Variants in ATL1 observed in about 807,000 individuals in gnomAD.
ATL1 encodes the protein atlastin GTPase 1.
ATL1 carries 31 observed loss-of-function variants against 75.5 expected under a neutral mutation model. The ratio of observed to expected loss-of-function variants is 0.41; its 90% CI spans 0.31 to 0.55. The LOEUF is 0.55. Ranked by LOEUF, ATL1 falls within the 20% of genes least tolerant of loss-of-function variation. The probability of loss-of-function intolerance (pLI) is 0.27; values close to 1 mark genes in which losing one functional copy is unlikely to be tolerated. For missense variants in ATL1, 405 were observed against 662.6 expected (o/e 0.61, Z 4.27); for synonymous variants, 226 against 233.3 (o/e 0.97, Z 0.28).
At chr14:50,535,761 C>T (rs1018361687) in intron 1 of ATL1, among the ~76,000 whole-genome samples, 10 of 152,130 alleles carry the variant, frequency 6.6e-5, no homozygotes, top group Admixed American at 5.2e-4. Flanking sequence ...CAGTCGATAT[C>T]CCTTTCATCC....
chr14:50,545,918 C>T (rs1233731306), intron 1 of ATL1, among the ~76,000 whole-genome samples: 1 of 152,168 alleles, frequency 6.6e-6, no homozygotes, highest in Non-Finnish European at 1.5e-5. Flanking sequence ...AAATGTTTCA[C>T]CTTCAGCTAT....
At chr14:50,618,564 G>A (rs986553431) in intron 8 of ATL1, among the ~76,000 whole-genome samples, 1 of 152,130 alleles carries the variant, frequency 6.6e-6, no homozygotes, top group Non-Finnish European at 1.5e-5. Context: ...TCATGCTTGT[G>A]TGTGTTATAA....
chr14:50,628,961 G>A (rs2039550204), intron 12 of ATL1, among the ~76,000 whole-genome samples: 1 of 152,086 alleles, frequency 6.6e-6, no homozygotes, highest in Non-Finnish European at 1.5e-5. Context: ...CAAGCAATCT[G>A]CGCGCCTCAG....
At chr14:50,537,950 G>A (rs2356448) in intron 1 of ATL1, among the ~76,000 whole-genome samples, 42 of 152,300 alleles carry the variant, frequency 2.8e-4, no homozygotes, top group Non-Finnish European at 7.4e-5. Flanking sequence ...GCTGAAATGA[G>A]TTAACACTTT....
chr14:50,632,199 T>C, intron 13 of ATL1, 30 bp from the exon 14 acceptor site: 1 of 1,519,516 alleles, frequency 6.6e-7, no homozygotes. Flanking sequence ...TTTAATAAAA[T>C]GTTTTATAAT....
chr14:50,581,102 A>G (rs1268978791), intron 1 of ATL1, among the ~76,000 whole-genome samples: 1 of 151,784 alleles, frequency 6.6e-6, no homozygotes, highest in African/African-American at 2.4e-5. Context: ...GTCTTATATT[A>G]TTAAGTTAAT....
At chr14:50,577,048 G>A (rs2039012318) in intron 1 of ATL1, among the ~76,000 whole-genome samples, 1 of 151,968 alleles carries the variant, frequency 6.6e-6, no homozygotes, top group South Asian at 2.1e-4. Context: ...GTAAACTTCT[G>A]TTATAAGTTT....
chr14:50,607,476 A>G (rs571857921), intron 6 of ATL1, among the ~76,000 whole-genome samples: 52 of 152,104 alleles, frequency 3.4e-4, no homozygotes, highest in African/African-American at 1.2e-3. Flanking sequence ...TGTAGAGGTG[A>G]AAACAGTAAG....
chr14:50,579,872 C>G (rs1182017054), intron 1 of ATL1, among the ~76,000 whole-genome samples: 1 of 152,064 alleles, frequency 6.6e-6, no homozygotes, highest in Non-Finnish European at 1.5e-5. Flanking sequence ...GGACTTTTCC[C>G]CACCTACCCA....
chr14:50,601,019 G>A (rs1476063120), intron 6 of ATL1, among the ~76,000 whole-genome samples: 1 of 152,090 alleles, frequency 6.6e-6, no homozygotes, highest in Non-Finnish European at 1.5e-5. Context: ...GAAGTGGGAG[G>A]ATCACTTGAG....
upstream of ATL1, among the ~76,000 whole-genome samples, chr14:50,557,593 G>A (rs2038779971): frequency 6.6e-6 from 1 of 152,114 alleles, no homozygotes; most frequent in Non-Finnish European, 1.5e-5. Context: ...TCATCTATAT[G>A]TGGGCATTCA....
intron 1 of ATL1, among the ~76,000 whole-genome samples, chr14:50,554,823 C>T (rs2038745702): frequency 6.6e-6 from 1 of 152,136 alleles, no homozygotes; most frequent in Admixed American, 6.5e-5. Context: ...CTGGACTCGT[C>T]TGAGTCATTC....
chr14:50,553,719 T>A (rs913550480), intron 1 of ATL1, among the ~76,000 whole-genome samples: 1 of 152,094 alleles, frequency 6.6e-6, no homozygotes, highest in African/African-American at 2.4e-5. Flanking sequence ...CATCAACCAA[T>A]GAGCGGATAA....
chr14:50,611,018 A>C (rs188788666), intron 6 of ATL1, among the ~76,000 whole-genome samples: 1 of 152,164 alleles, frequency 6.6e-6, no homozygotes, highest in East Asian at 1.9e-4. Flanking sequence ...CATATGATCA[A>C]ATTGGGCCCA....
chr14:50,620,512 T>G, intron 8 of ATL1, 87 bp from the exon 9 acceptor site: 1 of 1,395,330 alleles, frequency 7.2e-7, no homozygotes. Flanking sequence ...GGGGAGGAAA[T>G]GGGGGAGATC....
At chr14:50,582,996 A>G (rs1286334862) in intron 1 of ATL1, among the ~76,000 whole-genome samples, 1 of 152,216 alleles carries the variant, frequency 6.6e-6, no homozygotes, top group East Asian at 1.9e-4. Context: ...ATTTGATAAA[A>G]TTCATTATTT....
chr14:50,596,803 T>C (rs890265325), intron 6 of ATL1, among the ~76,000 whole-genome samples: 1 of 152,068 alleles, frequency 6.6e-6, no homozygotes, highest in African/African-American at 2.4e-5. Flanking sequence ...AACACACATA[T>C]TGAACATTAA....
chr14:50,575,082 C>A (rs766088633), intron 1 of ATL1, among the ~76,000 whole-genome samples: 39 of 150,546 alleles, frequency 2.6e-4, no homozygotes, highest in Non-Finnish European at 5.2e-4. Flanking sequence ...TCTTTAATTA[C>A]TGGAAAGACT....
intron 13 of ATL1, among the ~76,000 whole-genome samples, chr14:50,630,440 A>G (rs917863065): frequency 6.6e-6 from 1 of 152,240 alleles, no homozygotes; most frequent in South Asian, 2.1e-4. Flanking sequence ...ACAGTAATAC[A>G]TACCACTTTA....
Sources: allele counts gnomAD v4.1 joint callset (sites outside exome capture counted in the v4.1 genomes callset), GRCh38; gene constraint gnomAD v4.1.1; transcripts MANE v1.5; gene names NCBI Gene and HGNC (gene_info 2026-07-23, HGNC 2026-07-21).